Variants in APBB2 observed in about 807,000 individuals in gnomAD.
APBB2 encodes the protein amyloid beta precursor protein binding family B member 2, also known as Fe65-like 1.
Under a neutral mutation model 82.5 loss-of-function variants are expected in APBB2, and 38 were observed. That is an observed-to-expected ratio of 0.46 (90% CI 0.36 to 0.60). The LOEUF is 0.60. Ranked by LOEUF, APBB2 falls within the 20% of genes least tolerant of loss-of-function variation. The pLI is 0.00. For synonymous variants in APBB2, 341 were observed against 368.2 expected (o/e 0.93, Z 0.85); for missense variants, 772 against 972.3 (o/e 0.79, Z 2.74).
intron 5 of APBB2, among the ~76,000 whole-genome samples, chr4:41,017,406 T>C (rs186052958): frequency 8.9e-4 from 136 of 152,224 alleles, no homozygotes; most frequent in African/African-American, 3.1e-3. Flanking sequence ...TAGCTACAGG[T>C]TAGCAAAATC....
At chr4:41,178,861 A>G (rs1335718323) in intron 1 of APBB2, among the ~76,000 whole-genome samples, 1 of 152,310 alleles carries the variant, frequency 6.6e-6, no homozygotes, top group African/African-American at 2.4e-5. Context: ...GTTAAATCCA[A>G]TACAAATACT....
intron 5 of APBB2, among the ~76,000 whole-genome samples, chr4:41,022,311 G>A (rs561765198): frequency 6.6e-6 from 1 of 152,116 alleles, no homozygotes; most frequent in Non-Finnish European, 1.5e-5. Flanking sequence ...ATGTTCTTGC[G>A]GTGATTCTAA....
At chr4:40,816,330 C>A in intron 17 of APBB2, 71 bp from the exon 18 acceptor site, 2 of 1,546,628 alleles carry the variant, frequency 1.3e-6, no homozygotes, top group South Asian at 2.3e-5. Context: ...GACTTTAAGT[C>A]ATGACCCATA....
chr4:40,924,418 A>G (rs896044777), intron 10 of APBB2, among the ~76,000 whole-genome samples: 2 of 152,236 alleles, frequency 1.3e-5, no homozygotes, highest in Non-Finnish European at 1.5e-5. Flanking sequence ...TGAACTTGCC[A>G]CGTCTCATCA....
At chr4:40,997,757 G>A (rs950917921) in intron 6 of APBB2, among the ~76,000 whole-genome samples, 5 of 152,222 alleles carry the variant, frequency 3.3e-5, no homozygotes, top group Non-Finnish European at 7.3e-5. Flanking sequence ...AAGCAAGACA[G>A]TAGCATAAGC....
chr4:40,992,015 A>AC (rs1216926107), intron 6 of APBB2, among the ~76,000 whole-genome samples: 1 of 152,096 alleles, frequency 6.6e-6, no homozygotes, highest in Non-Finnish European at 1.5e-5. Context: ...CACCACACAC[A>AC]CCACACTCAC....
chr4:40,843,883 T>C (rs1363878185), intron 12 of APBB2, among the ~76,000 whole-genome samples: 1 of 152,196 alleles, frequency 6.6e-6, no homozygotes, highest in African/African-American at 2.4e-5. Context: ...AGTTTGACAG[T>C]AGGCTGCAGG....
intron 1 of APBB2, among the ~76,000 whole-genome samples, chr4:41,158,246 G>A (rs1763967881): frequency 6.6e-6 from 1 of 152,064 alleles, no homozygotes; most frequent in Admixed American, 6.5e-5. Flanking sequence ...TACAGTAAAA[G>A]CACCTGAATT....
chr4:40,912,780 G>A (rs1361070135), intron 10 of APBB2, among the ~76,000 whole-genome samples: 1 of 152,106 alleles, frequency 6.6e-6, no homozygotes, highest in Non-Finnish European at 1.5e-5. Flanking sequence ...CCACCTTCTC[G>A]GAGTCTGAGT....
intron 11 of APBB2, chr4:40,890,844 G>A (rs138674442): frequency 2.8e-4 from 49 of 174,472 alleles, no homozygotes; most frequent in African/African-American, 1.1e-3. Flanking sequence ...TCAAACTCTT[G>A]GAACCTGTCT....
chr4:41,015,576 G>C (rs903129037), intron 5 of APBB2, among the ~76,000 whole-genome samples: 1 of 152,164 alleles, frequency 6.6e-6, no homozygotes, highest in Admixed American at 6.5e-5. Context: ...CAAATACTTA[G>C]GTTGGGCAAT....
intron 6 of APBB2, among the ~76,000 whole-genome samples, chr4:40,972,747 G>C (rs1484796622): frequency 6.6e-6 from 1 of 152,190 alleles, no homozygotes; most frequent in African/African-American, 2.4e-5. Flanking sequence ...CATGAGAGAA[G>C]TAACGAATCC....
intron 1 of APBB2, among the ~76,000 whole-genome samples, chr4:41,186,145 C>G (rs1006379341): frequency 6.6e-6 from 1 of 152,160 alleles, no homozygotes; most frequent in African/African-American, 2.4e-5. Context: ...ATTTCATCAG[C>G]CTTCTGAAAT....
At chr4:41,054,458 T>C (rs1486717987) in intron 4 of APBB2, among the ~76,000 whole-genome samples, 1 of 152,132 alleles carries the variant, frequency 6.6e-6, no homozygotes, top group Non-Finnish European at 1.5e-5. Flanking sequence ...ACTATAGCCC[T>C]ATGAGCAACA....
chr4:41,161,417 G>A (rs1335990099), intron 1 of APBB2, among the ~76,000 whole-genome samples: 3 of 152,016 alleles, frequency 2.0e-5, no homozygotes, highest in African/African-American at 7.2e-5. Flanking sequence ...GACTAGCCTG[G>A]GCAAGATGGC....
chr4:40,895,481 C>A (rs557893006), intron 10 of APBB2, among the ~76,000 whole-genome samples: 1 of 152,390 alleles, frequency 6.6e-6, no homozygotes, highest in East Asian at 1.9e-4. Flanking sequence ...CAATTCAGAG[C>A]TAGCCAGGTC....
intron 6 of APBB2, among the ~76,000 whole-genome samples, chr4:41,010,928 G>A (rs1314297961): frequency 6.6e-6 from 1 of 152,068 alleles, no homozygotes; most frequent in Non-Finnish European, 1.5e-5. Flanking sequence ...ACAATCAGCA[G>A]CTTATGGGCA....
chr4:41,083,052 C>T (rs1738245226), intron 3 of APBB2, among the ~76,000 whole-genome samples: 1 of 152,062 alleles, frequency 6.6e-6, no homozygotes, highest in Non-Finnish European at 1.5e-5. Flanking sequence ...GTAGACCCAG[C>T]TACTCAGGAA....
intron 2 of APBB2, among the ~76,000 whole-genome samples, chr4:41,140,599 C>T (rs1758837350): frequency 1.3e-5 from 2 of 152,190 alleles, no homozygotes; most frequent in Non-Finnish European, 2.9e-5. Context: ...CCAGGGGCCC[C>T]TGGTACCAGT....
Sources: gnomAD v4.1 joint callset for allele counts (sites outside exome capture counted in the v4.1 genomes callset) on GRCh38, gnomAD v4.1.1 for gene constraint, MANE v1.5 for transcripts, NCBI Gene and HGNC (gene_info 2026-07-23, HGNC 2026-07-21) for gene names.